Variants in LETM2 observed in about 807,000 individuals in gnomAD.
LETM2 encodes the protein LETM1 domain-containing protein LETM2, mitochondrial.
A neutral mutation model predicts 59.6 loss-of-function variants in LETM2; 58 were observed. The ratio of observed to expected loss-of-function variants is 0.97; its 90% CI spans 0.79 to 1.21. The LOEUF (loss-of-function observed/expected upper bound fraction) is 1.21, where lower values mean the gene tolerates loss of function less well. LETM2 is among the 50% of genes most tolerant of loss of function. LETM2 has a pLI of 0.00. For synonymous variants in LETM2, 199 were observed against 214.1 expected (o/e 0.93, Z 0.62); for missense variants, 572 against 575.7 (o/e 0.99, Z 0.07).
chr8:38,407,197 T>C lies in LETM2; in HGVS notation c.1311+159T>C, dbSNP rs1002700334. 6.9e-6 allele frequency: 5 copies of C among 724,040 alleles called. No homozygotes were observed. In the Admixed American group the frequency reaches 7.8e-5, roughly 11 times the overall value. The allele number at this position is 724,040 out of a possible 1,614,324, so 44.9% of individuals were successfully genotyped here. A position where few individuals can be genotyped will look rare whatever the true frequency, so the allele number is the denominator to read the frequency against. ...TGTACTGTTTGATCTAAGAGGAAGC[T>C]TAATATTTGGCTACACGTAATTAGG... On this transcript the variant is annotated intron_variant, in intron 9 of 10. Coordinates refer to ENST00000379957, the MANE Select transcript of LETM2 (RefSeq NM_001286819.2).
rs372339137 is a variant in LETM2 at position 38,392,884 on chromosome 8, A to G, written c.390A>G (p.Leu130=). 6.8e-5 allele frequency: 109 copies of G among 1,613,956 alleles called. No homozygotes were observed. Among genetic ancestry groups the G allele is most frequent in the Middle Eastern group, 4.9e-4 (3 of 6,084 alleles). ...ATAGACAAAAAATCATGGATGAACT[A>G]AAATATTATTACAATGGATTCTACT... ...QSYRQKIMDE[L]KYYYNGFYLL... is the part of the protein sequence containing the mutation. Residue 130 remains leucine, a synonymous_variant, in exon 3 of 11, where the codon CTA becomes CTG. Transcript: ENST00000379957.
rs760518901 is a variant in LETM2 at position 38,404,367 on chromosome 8, C to T, written c.1105-26C>T. 17 of 1,462,268 alleles carry T rather than the reference C, an allele frequency of 1.2e-5. No homozygotes were observed. The Admixed American group carries it at 1.3e-4, about 12-fold the overall frequency. 90.6% of individuals were successfully genotyped at this position (1,462,268 alleles called of 1,614,324 possible). On this transcript the variant is annotated intron_variant, in intron 7 of 10. Coordinates refer to ENST00000379957, the MANE Select transcript of LETM2 (RefSeq NM_001286819.2). ...TCTGGCTCTGGTGTTCTGATTCTCACGTGTTGTTCCCCTCCCGTTCTCCAG... is the reference window on the plus strand; with the variant it reads ...TCTGGCTCTGGTGTTCTGATTCTCATGTGTTGTTCCCCTCCCGTTCTCCAG...
Position 38,387,950 on chromosome 8 carries a change from G to A in LETM2, c.-34G>A, listed in dbSNP as rs1425589844. Reference sequence around the variant, plus strand: ...TTGTTTACTTACTCCTTTTGCCTAGGTCCCTATGTTAACTACTTGAGACAA... The same window carrying A: ...TTGTTTACTTACTCCTTTTGCCTAGATCCCTATGTTAACTACTTGAGACAA... On this transcript the variant is annotated splice_region_variant and 5_prime_UTR_variant, in exon 2 of 11. Transcript: ENST00000379957. The A allele has an allele frequency of 6.2e-6, 8 of 1,282,448 alleles. No individual in the cohort carries two copies. In the East Asian group the frequency reaches 1.0e-4, roughly 16 times the overall value. 79.4% of individuals were successfully genotyped at this position (1,282,448 alleles called of 1,614,324 possible).
intron 10 of LETM2, 41 bp from the exon 11 acceptor site, chr8:38,408,164 CTTACACG>C: frequency 1.4e-6 from 2 of 1,479,126 alleles, no homozygotes; most frequent in African/African-American, 2.8e-5. Context: ...TCCTTAAGAA[CTTACACG>C]TCTGTGACTA....
chr8:38,407,354 T>G lies in LETM2; in HGVS notation c.1312-8T>G. On this transcript the variant is annotated splice_polypyrimidine_tract_variant and splice_region_variant and intron_variant, in intron 9 of 10. Transcript: ENST00000379957. The stretch of plus-strand genomic sequence containing the variant: ...TCAGTAACCCAACTCTCAGTTCTGA[T>G]GTTTAAGGATGAAGACTTTATACAG... The G allele has an allele frequency of 6.3e-7, 1 of 1,586,188 alleles. No individual in the cohort carries two copies. Among genetic ancestry groups the G allele is most frequent in the Non-Finnish European group, 8.7e-7 (1 of 1,154,924 alleles).
At position 38,404,448 on chromosome 8, in the gene LETM2, G is replaced by A. The variant is rs756304385; in HGVS notation, c.1160G>A (p.Arg387His). ...NVPPSLLLLS[R>H]TFYLIDVKPK... Reference sequence around the variant, plus strand: ...CCTCCTTCCCTTTTGCTCCTGTCCCGCACCTTCTACCTGATAGATGTGAAG... The same window carrying A: ...CCTCCTTCCCTTTTGCTCCTGTCCCACACCTTCTACCTGATAGATGTGAAG... The change falls in exon 8 of 11, where the codon CGC becomes CAC. Residue 387 changes from arginine (R) to histidine (H), a missense_variant. Transcript: ENST00000379957. The A allele has an allele frequency of 3.7e-5, 59 of 1,613,966 alleles. No individual in the cohort carries two copies. Among genetic ancestry groups the A allele is most frequent in the Admixed American group, 1.0e-4 (6 of 60,020 alleles).
At chr8:38,403,708 CAT>C (rs1361015439) in intron 7 of LETM2, among the ~76,000 whole-genome samples, 6 of 152,234 alleles carry the variant, frequency 3.9e-5, no homozygotes, top group South Asian at 2.1e-4. Context: ...TTTTTCCTCT[CAT>C]GTGTGGGACC....
At chr8:38,384,995 A>T (rs1415144735), upstream of LETM2, among the ~76,000 whole-genome samples, 2 of 152,248 alleles carry the variant, frequency 1.3e-5, no homozygotes, top group Non-Finnish European at 2.9e-5. Context: ...TGAAAACTAC[A>T]TCTACCTTCT....
At chr8:38,407,991 T>G in intron 10 of LETM2, 1 of 500,168 alleles carries the variant, frequency 2.0e-6, no homozygotes, top group Non-Finnish European at 3.6e-6. Context: ...GGACAGAGAA[T>G]CTATGAAGAC....
At chr8:38,404,989 C>T (rs1813601980) in intron 8 of LETM2, among the ~76,000 whole-genome samples, 1 of 151,204 alleles carries the variant, frequency 6.6e-6, no homozygotes, top group South Asian at 2.1e-4. Flanking sequence ...CAAAACAAAA[C>T]AGAAAACTGA....
At chr8:38,404,280 G>C (rs2150450170) in intron 7 of LETM2, 113 bp from the exon 8 acceptor site, 1 of 714,492 alleles carries the variant, frequency 1.4e-6, no homozygotes, top group Non-Finnish European at 2.4e-6. Flanking sequence ...TGAGCGGCTT[G>C]GCGGAAAGGG....
chr8:38,387,871 T>C (rs1303309953), intron 1 of LETM2, 79 bp from the exon 2 acceptor site: 1 of 662,730 alleles, frequency 1.5e-6, no homozygotes, highest in Non-Finnish European at 2.6e-6. Flanking sequence ...TTGCAATAGT[T>C]AAAAACACTA....
Position 38,402,656 on chromosome 8 carries a change from C to CG in LETM2, c.1104+13dup. The CG allele has an allele frequency of 6.2e-7, 1 of 1,613,640 alleles. No individual in the cohort carries two copies. Among genetic ancestry groups the CG allele is most frequent in the African/African-American group, 1.3e-5 (1 of 75,024 alleles). ...AACAGCTCACGGAGGCAAGTAGCAG[C>CG]GCCCCTCTGGGGTCCTCTTCCCTAG... On this transcript the variant is annotated intron_variant, in intron 7 of 10. Transcript: ENST00000379957.
chr8:38,388,445 G>C (rs372967540), intron 2 of LETM2, among the ~76,000 whole-genome samples: 6 of 151,524 alleles, frequency 4.0e-5, no homozygotes, highest in African/African-American at 1.2e-4. Flanking sequence ...TTGGAGGCTG[G>C]GTGCAGTGGC....
At chr8:38,407,509 T>C (rs763019915) in intron 10 of LETM2, 46 bp downstream of exon 10, 2 of 1,250,540 alleles carry the variant, frequency 1.6e-6, no homozygotes, top group South Asian at 2.4e-5. Flanking sequence ...ACCCTTTCCC[T>C]CTAGTTATCT....
intron 9 of LETM2, 120 bp from the exon 10 acceptor site, chr8:38,407,242 A>G: frequency 1.1e-6 from 1 of 888,200 alleles, no homozygotes; most frequent in South Asian, 1.5e-5. Flanking sequence ...TTGCCTTTTG[A>G]ATCCTGTGCC....
At chr8:38,384,126 C>CT (rs375549975), upstream of LETM2, among the ~76,000 whole-genome samples, 482 of 146,120 alleles carry the variant, frequency 3.3e-3, 1 homozygote, top group Admixed American at 6.2e-3. Context: ...TTAAATTGGT[C>CT]TTTTTTTTTT....
At position 38,386,565 on chromosome 8, in the gene LETM2, G is replaced by A. The variant is rs764619399; in HGVS notation, c.-38G>A. The A allele has an allele frequency of 5.3e-5, 8 of 152,218 alleles. No homozygotes were observed. Among genetic ancestry groups the A allele is most frequent in the Non-Finnish European group, 1.2e-4 (8 of 68,076 alleles). 9.4% of individuals were successfully genotyped at this position (152,218 alleles called of 1,614,324 possible). A position where few individuals can be genotyped will look rare whatever the true frequency, so the allele number is the denominator to read the frequency against. ...CGGCCGTTCCGCGGAGCCCGGCCGA[G>A]GAGGTAGGGGTGGGCAGGCCCAGCC... On this transcript the variant is annotated 5_prime_UTR_variant, in exon 1 of 11. Coordinates refer to ENST00000379957, the MANE Select transcript of LETM2 (RefSeq NM_001286819.2).
chr8:38,384,356 G>A (rs1172086002), upstream of LETM2, among the ~76,000 whole-genome samples: 2 of 152,104 alleles, frequency 1.3e-5, no homozygotes, highest in East Asian at 3.8e-4. Flanking sequence ...GTCTTTTCCT[G>A]CAAAACATTA....
Sources: allele counts gnomAD v4.1 joint callset (sites outside exome capture counted in the v4.1 genomes callset), GRCh38; gene constraint gnomAD v4.1.1; transcripts MANE v1.5; gene names NCBI Gene and HGNC (gene_info 2026-07-23, HGNC 2026-07-21).